CREB5: variants seen among roughly 807,000 people sequenced by gnomAD.
CREB5 encodes the protein cyclic AMP-responsive element-binding protein 5.
A neutral mutation model predicts 57.1 loss-of-function variants in CREB5; 19 were observed. That is an observed-to-expected ratio of 0.33 (90% CI 0.23 to 0.49). CREB5 has a LOEUF of 0.49. Ranked by LOEUF, CREB5 falls within the 20% of genes least tolerant of loss-of-function variation. The pLI is 0.99. For synonymous variants in CREB5, 238 were observed against 238.3 expected (o/e 1.00, Z 0.01); for missense variants, 579 against 671.6 (o/e 0.86, Z 1.52).
intron 7 of CREB5, among the ~76,000 whole-genome samples, chr7:28,798,721 C>T (rs923234326): frequency 1.3e-5 from 2 of 152,202 alleles, no homozygotes; most frequent in African/African-American, 4.8e-5. Flanking sequence ...CCCTAATTTT[C>T]TCTGATATAA....
chr7:28,452,696 G>A (rs35122811), intron 1 of CREB5, among the ~76,000 whole-genome samples: 21,237 of 152,204 alleles, frequency 0.14, 1,926 homozygotes, highest in Non-Finnish European at 0.2. Flanking sequence ...AAGCAGCAAG[G>A]TGTGGGGCAG....
At chr7:28,497,394 C>T (rs1433259777) in intron 3 of CREB5, among the ~76,000 whole-genome samples, 1 of 152,200 alleles carries the variant, frequency 6.6e-6, no homozygotes, top group Non-Finnish European at 1.5e-5. Context: ...CTGGCAGTGC[C>T]AGGTGGAATA....
At chr7:28,704,031 A>G (rs967423608) in intron 5 of CREB5, among the ~76,000 whole-genome samples, 1 of 152,180 alleles carries the variant, frequency 6.6e-6, no homozygotes, top group African/African-American at 2.4e-5. Flanking sequence ...TTCCTGGCAG[A>G]CCTGGAGGAT....
At chr7:28,568,314 T>C (rs1340015074) in intron 4 of CREB5, among the ~76,000 whole-genome samples, 5 of 152,302 alleles carry the variant, frequency 3.3e-5, no homozygotes, top group Non-Finnish European at 7.4e-5. Flanking sequence ...TCAAAAATGG[T>C]TCTGTGCCTT....
At chr7:28,664,333 G>A (rs147546415) in intron 5 of CREB5, among the ~76,000 whole-genome samples, 34 of 152,274 alleles carry the variant, frequency 2.2e-4, no homozygotes, top group Middle Eastern at 3.4e-3. Context: ...GTAAAACTTG[G>A]TATTTTAGAT....
chr7:28,336,610 T>G (rs117215845), intron 1 of CREB5, among the ~76,000 whole-genome samples: 15,260 of 152,058 alleles, frequency 0.1, 944 homozygotes, highest in Non-Finnish European at 0.14. Flanking sequence ...GTTAAAGGTT[T>G]GTCAATTTTG....
chr7:28,743,952 A>G (rs1804544794), intron 7 of CREB5, among the ~76,000 whole-genome samples: 1 of 126,270 alleles, frequency 7.9e-6, no homozygotes, highest in Non-Finnish European at 1.6e-5. Flanking sequence ...TGCACCCACT[A>G]ATGTGTCATC....
chr7:28,401,146 C>T (rs1303342763), intron 1 of CREB5, among the ~76,000 whole-genome samples: 2 of 152,120 alleles, frequency 1.3e-5, no homozygotes, highest in African/African-American at 4.8e-5. Flanking sequence ...AATCGAGTCG[C>T]TTTCAAAGAA....
chr7:28,524,316 AACACACACACACACACACACACAC>A (rs4000595), intron 4 of CREB5, among the ~76,000 whole-genome samples: 2 of 136,574 alleles, frequency 1.5e-5, no homozygotes, highest in African/African-American at 2.7e-5. Context: ...GCCTCTACTA[AACACACACACACACACACACACAC>A]ACACACACAC....
At chr7:28,642,977 C>CACACACAT (rs1798727237) in intron 5 of CREB5, among the ~76,000 whole-genome samples, 3 of 111,670 alleles carry the variant, frequency 2.7e-5, no homozygotes, top group Admixed American at 9.3e-5. Flanking sequence ...CACACACACA[C>CACACACAT]ACACACACAT....
chr7:28,503,662 G>A (rs1316660485), intron 3 of CREB5, among the ~76,000 whole-genome samples: 1 of 152,136 alleles, frequency 6.6e-6, no homozygotes, highest in Non-Finnish European at 1.5e-5. Context: ...TGGCATGTGA[G>A]AGCCCAAGCC....
intron 5 of CREB5, among the ~76,000 whole-genome samples, chr7:28,614,104 C>A (rs1326988900): frequency 6.6e-6 from 1 of 152,080 alleles, no homozygotes; most frequent in Non-Finnish European, 1.5e-5. Flanking sequence ...GGACTACAGG[C>A]ACACAACCCC....
At chr7:28,791,935 T>C (rs1374012202) in intron 7 of CREB5, among the ~76,000 whole-genome samples, 2 of 152,286 alleles carry the variant, frequency 1.3e-5, no homozygotes, top group East Asian at 1.9e-4. Context: ...GTTCATTGAA[T>C]TGTACACCAT....
intron 1 of CREB5, among the ~76,000 whole-genome samples, chr7:28,353,462 G>A (rs1334247374): frequency 6.6e-6 from 1 of 152,190 alleles, no homozygotes; most frequent in African/African-American, 2.4e-5. Flanking sequence ...AGCAAGATGT[G>A]AAGAACAAGG....
chr7:28,741,043 T>C (rs1804301778), intron 7 of CREB5, among the ~76,000 whole-genome samples: 1 of 152,014 alleles, frequency 6.6e-6, no homozygotes, highest in African/African-American at 2.4e-5. Context: ...GATTTCTACT[T>C]GACTAAAGGT....
chr7:28,685,988 A>G, intron 5 of CREB5: 1 of 658,338 alleles, frequency 1.5e-6, no homozygotes, highest in Non-Finnish European at 2.6e-6. Context: ...GAAAGAGAGC[A>G]AGTGAGCGAG....
rs967129485 is a variant in CREB5 at position 28,361,126 on chromosome 7, C to A, written c.-25+61685C>A. Among the ~76,000 whole-genome samples, 15 of 152,166 alleles carry A rather than the reference C, an allele frequency of 9.9e-5. No individual in the cohort carries two copies. In the East Asian group the frequency reaches 2.9e-3, roughly 29 times the overall value. On this transcript the variant is annotated intron_variant, in intron 1 of 9. Coordinates refer to the CREB5 transcript ENST00000396299. ...TTAATAAACCTCAGCTAAAAAAAAA[C>A]TTACTGTAGGACAGAAATAACTGTA...
chr7:28,487,525 A>G (rs1228193171), intron 1 of CREB5, among the ~76,000 whole-genome samples: 1 of 152,156 alleles, frequency 6.6e-6, no homozygotes, highest in Non-Finnish European at 1.5e-5. Flanking sequence ...GCATTTTTGG[A>G]TTTCTACTTA....
At chr7:28,338,883 T>G (rs1326572572) in intron 1 of CREB5, among the ~76,000 whole-genome samples, 1 of 152,010 alleles carries the variant, frequency 6.6e-6, no homozygotes, top group Non-Finnish European at 1.5e-5. Context: ...TTTTTTCTTC[T>G]GCTTGATCAG....
Sources: gnomAD v4.1 joint callset for allele counts (sites outside exome capture counted in the v4.1 genomes callset) on GRCh38, gnomAD v4.1.1 for gene constraint, MANE v1.5 for transcripts, NCBI Gene and HGNC (gene_info 2026-07-23, HGNC 2026-07-21) for gene names.